CCDC91: variants seen among roughly 807,000 people sequenced by gnomAD.
CCDC91 encodes the protein coiled-coil domain-containing protein 91.
A neutral mutation model predicts 63.2 loss-of-function variants in CCDC91; 48 were observed. The observed-to-expected ratio is 0.76, with a 90% CI of 0.60 to 0.97. CCDC91 has a LOEUF of 0.97. Ranked by LOEUF, CCDC91 falls within the 50% of genes least tolerant of loss-of-function variation. The pLI is 0.00. For missense variants in CCDC91, 500 were observed against 494.6 expected (o/e 1.01, Z -0.10); for synonymous variants, 167 against 165.8 (o/e 1.01, Z -0.06).
chr12:28,293,052 CAAAGA>C (rs1949345172), intron 3 of CCDC91, among the ~76,000 whole-genome samples: 2 of 151,720 alleles, frequency 1.3e-5, no homozygotes, highest in South Asian at 2.1e-4. Flanking sequence ...AAATAACAGG[CAAAGA>C]AAAGAAAGAA....
Position 28,305,734 on chromosome 12 carries a change from T to G in CCDC91, c.195T>G (p.Asp65Glu). ...HSSSIGCLSS[D>E]AIISSPENTH... ...CTTCCATTGGCTGCCTCTCTTCTGA[T>G]GCCATTATTTCATCACCAGAGAATA... The change falls in exon 4 of 13, where the codon GAT becomes GAG. Residue 65 changes from aspartate (D) to glutamate (E), a missense_variant. Asp to Glu is a conservative substitution (Grantham distance 45, BLOSUM62 2). Transcript: ENST00000536442. 1 of 1,613,296 alleles carries G rather than the reference T, an allele frequency of 6.2e-7. No homozygotes were observed.
intron 7 of CCDC91, among the ~76,000 whole-genome samples, chr12:28,363,450 T>C (rs1390226747): frequency 2.0e-5 from 3 of 152,186 alleles, no homozygotes; most frequent in Non-Finnish European, 4.4e-5. Context: ...TTGTTTTTCA[T>C]TGTTCATTAT....
chr12:28,307,293 A>G (rs1938851003), intron 5 of CCDC91, among the ~76,000 whole-genome samples: 1 of 151,966 alleles, frequency 6.6e-6, no homozygotes, highest in Admixed American at 6.6e-5. Context: ...ATCACAGGAT[A>G]TTTGACAAGA....
intron 1 of CCDC91, among the ~76,000 whole-genome samples, chr12:28,241,006 C>T (rs1267374333): frequency 6.6e-6 from 1 of 152,048 alleles, no homozygotes; most frequent in Non-Finnish European, 1.5e-5. Flanking sequence ...TCTTTCAAAC[C>T]ACAAATGTTT....
At chr12:28,232,856 C>G (rs986745952) in intron 1 of CCDC91, among the ~76,000 whole-genome samples, 6 of 151,682 alleles carry the variant, frequency 4.0e-5, no homozygotes, top group African/African-American at 1.5e-4. Context: ...TGGTGCATGC[C>G]TGTAATCCCA....
intron 12 of CCDC91, among the ~76,000 whole-genome samples, chr12:28,527,153 G>C (rs980824903): frequency 6.6e-6 from 1 of 152,242 alleles, no homozygotes; most frequent in East Asian, 1.9e-4. Context: ...TGGTGAGCTA[G>C]TGTGATTTTT....
rs7251692 is a variant in CCDC91, at chr12:28,201,564, G to T, written c.-15+10923G>T. Among the ~76,000 whole-genome samples, 1,307 of 141,884 alleles carry T rather than the reference G, an allele frequency of 9.2e-3. 44 individuals are homozygous for T. The highest frequency in any genetic ancestry group is 0.014 in the Admixed American group (205 of 14,528). The allele number at this position is 141,884 out of a possible 152,430, so 93.1% of individuals were successfully genotyped here. A position where few individuals can be genotyped will look rare whatever the true frequency, so the allele number is the denominator to read the frequency against. ...CCAGACTGGGCAGCCAGGCAGAGGG[G>T]CTCCTCACGTCCCAGGCGATGGGCG... On this transcript the variant is annotated intron_variant, in intron 1 of 12. Transcript: ENST00000536442.
At chr12:28,427,468 G>A (rs1403967717) in intron 8 of CCDC91, among the ~76,000 whole-genome samples, 1 of 152,120 alleles carries the variant, frequency 6.6e-6, no homozygotes, top group Non-Finnish European at 1.5e-5. Context: ...ATGAAAGTAT[G>A]AGAGCAACTA....
intron 12 of CCDC91, among the ~76,000 whole-genome samples, chr12:28,518,496 A>G (rs1167156010): frequency 6.7e-6 from 1 of 150,366 alleles, no homozygotes; most frequent in African/African-American, 2.5e-5. Flanking sequence ...TTTTGATGGG[A>G]TTCTTTGTTT....
intron 8 of CCDC91, among the ~76,000 whole-genome samples, chr12:28,425,125 G>A (rs760557161): frequency 3.3e-5 from 5 of 152,002 alleles, no homozygotes; most frequent in East Asian, 3.9e-4. Flanking sequence ...TACTCTCCCC[G>A]CACCAGACTT....
intron 12 of CCDC91, among the ~76,000 whole-genome samples, chr12:28,525,954 T>G (rs905250037): frequency 6.6e-6 from 1 of 152,142 alleles, no homozygotes; most frequent in Non-Finnish European, 1.5e-5. Flanking sequence ...AATGTTGTTT[T>G]CCATCCCTTT....
chr12:28,228,122 C>T (rs1293515583), intron 1 of CCDC91, among the ~76,000 whole-genome samples: 1 of 152,014 alleles, frequency 6.6e-6, no homozygotes, highest in Admixed American at 6.6e-5. Context: ...TATTCTCCCA[C>T]CATAGGTACC....
chr12:28,450,597 A>C (rs1432971090), intron 10 of CCDC91, among the ~76,000 whole-genome samples, 179 bp downstream of exon 10: 4 of 151,794 alleles, frequency 2.6e-5, no homozygotes. Context: ...TTCACATCAC[A>C]CAAGATAATG....
chr12:28,467,864 T>A (rs148178510), intron 11 of CCDC91, among the ~76,000 whole-genome samples: 1 of 152,074 alleles, frequency 6.6e-6, no homozygotes, highest in African/African-American at 2.4e-5. Flanking sequence ...CAATGATCAG[T>A]GTGTCAATGA....
At chr12:28,344,494 C>G (rs1034992186) in intron 6 of CCDC91, among the ~76,000 whole-genome samples, 1 of 151,988 alleles carries the variant, frequency 6.6e-6, no homozygotes, top group African/African-American at 2.4e-5. Context: ...GTGTCATATG[C>G]TTATCCATAT....
At chr12:28,199,699 T>C (rs1302968437) in intron 1 of CCDC91, among the ~76,000 whole-genome samples, 1 of 152,230 alleles carries the variant, frequency 6.6e-6, no homozygotes, top group Non-Finnish European at 1.5e-5. Flanking sequence ...ATTCAAAGAA[T>C]AGTTTTGCTA....
chr12:28,284,383 T>C (rs1406176238), intron 3 of CCDC91, among the ~76,000 whole-genome samples: 1 of 152,180 alleles, frequency 6.6e-6, no homozygotes, highest in Admixed American at 6.5e-5. Context: ...CCGGGCATAG[T>C]GGCTCATGCC....
At chr12:28,227,109 C>T (rs2135754288) in intron 1 of CCDC91, among the ~76,000 whole-genome samples, 1 of 152,202 alleles carries the variant, frequency 6.6e-6, no homozygotes, top group South Asian at 2.1e-4. Flanking sequence ...CATTGTTAAG[C>T]TGTGACTTAT....
At chr12:28,221,964 C>G (rs1054409667) in intron 1 of CCDC91, among the ~76,000 whole-genome samples, 2 of 152,122 alleles carry the variant, frequency 1.3e-5, no homozygotes, top group Non-Finnish European at 2.9e-5. Context: ...CTTCCCCCAC[C>G]ATACTCTTTG....
Sources: allele counts gnomAD v4.1 joint callset (sites outside exome capture counted in the v4.1 genomes callset), GRCh38; gene constraint gnomAD v4.1.1; transcripts MANE v1.5; gene names NCBI Gene and HGNC (gene_info 2026-07-23, HGNC 2026-07-21).